The following IL34 variants were observed in gnomAD, a reference collection of about 807,000 sequenced individuals.
IL34 encodes the protein interleukin-34.
In IL34, 17 loss-of-function variants were observed where a neutral mutation model predicts 25.3. The observed-to-expected ratio is 0.67, with a 90% CI of 0.46 to 1.01. The LOEUF is 1.01. Among genes scored for constraint, IL34 ranks in the 50% least tolerant of loss-of-function variants. The probability of loss-of-function intolerance (pLI) is 0.00; values close to 1 mark genes in which losing one functional copy is unlikely to be tolerated. For missense variants in IL34, 368 were observed against 312.9 expected (o/e 1.18, Z -1.33); for synonymous variants, 174 against 140.9 (o/e 1.23, Z -1.66).
At chr16:70,648,919 C>G (rs948010579) in intron 1 of IL34, among the ~76,000 whole-genome samples, 3 of 152,190 alleles carry the variant, frequency 2.0e-5, no homozygotes, top group Non-Finnish European at 4.4e-5. Context: ...GCTTCCTTGG[C>G]TTGTGGCCTA....
chr16:70,651,235 G>C (rs1338030570), intron 1 of IL34, among the ~76,000 whole-genome samples: 1 of 152,084 alleles, frequency 6.6e-6, no homozygotes, highest in Non-Finnish European at 1.5e-5. Flanking sequence ...TGTTGTGAGA[G>C]GGTACCTAGC....
At chr16:70,657,938 C>T (rs767986129) in intron 4 of IL34, among the ~76,000 whole-genome samples, 9 of 152,300 alleles carry the variant, frequency 5.9e-5, no homozygotes, top group Middle Eastern at 3.4e-3. Context: ...ATCCCTGACC[C>T]GCTCAGAGAA....
chr16:70,629,106 T>C lies in IL34; in HGVS notation c.-400-17442T>C, dbSNP rs562781283. Among the ~76,000 whole-genome samples the C allele has an allele frequency of 2.5e-4, 38 of 152,328 alleles. No homozygotes were observed. The South Asian group carries it at 7.7e-3, about 31-fold the overall frequency. ...GCTATTGTTTATAGTAGTTTGTTGATTCTCTTGGATGTTCTAGATTTATAA... is the reference window on the plus strand; with the variant it reads ...GCTATTGTTTATAGTAGTTTGTTGACTCTCTTGGATGTTCTAGATTTATAA... On this transcript the variant is annotated intron_variant, in intron 1 of 6. Transcript: ENST00000429149.
intron 1 of IL34, among the ~76,000 whole-genome samples, chr16:70,616,914 C>A (rs1325566446): frequency 1.3e-5 from 2 of 152,274 alleles, no homozygotes; most frequent in East Asian, 3.9e-4. Context: ...AGAGGCCTGA[C>A]ATTCCTGCCG....
intron 4 of IL34, 37 bp downstream of exon 4, chr16:70,657,158 TGTGTGCACAC>T: frequency 6.2e-7 from 1 of 1,601,618 alleles, no homozygotes; most frequent in East Asian, 2.2e-5. Flanking sequence ...GGGGTGTGTG[TGTGTGCACAC>T]GTGTGTACAT....
chr16:70,605,942 G>C (rs1362721762), intron 1 of IL34, among the ~76,000 whole-genome samples: 1 of 149,038 alleles, frequency 6.7e-6, no homozygotes, highest in Non-Finnish European at 1.5e-5. Context: ...AAAGTGCTGG[G>C]ATTACAGGCG....
In IL34 at chr16:70,587,981, G is replaced by A. The variant is rs532974455; in HGVS notation, c.-401+7932G>A. Among the ~76,000 whole-genome samples the A allele has an allele frequency of 1.9e-4, 29 of 152,124 alleles. 1 individual carries two copies. The highest frequency in any genetic ancestry group is 8.3e-4 in the South Asian group (4 of 4,818). ...TTGAACCCAGGAGGCGGAGGTCTCA[G>A]TGAGCAGAGGTCGCGCCACTGCACT... On this transcript the variant is annotated intron_variant, in intron 1 of 6. Transcript: ENST00000429149.
intron 1 of IL34, among the ~76,000 whole-genome samples, chr16:70,588,849 A>G (rs1457421289): frequency 6.6e-6 from 1 of 152,204 alleles, no homozygotes; most frequent in Non-Finnish European, 1.5e-5. Flanking sequence ...CAGAGTAGCC[A>G]GGTTCATAGA....
At chr16:70,611,528 C>T (rs557137118) in intron 1 of IL34, among the ~76,000 whole-genome samples, 38 of 152,146 alleles carry the variant, frequency 2.5e-4, no homozygotes, top group Non-Finnish European at 4.1e-4. Flanking sequence ...GTGGCTCACA[C>T]CTGTAATCCC....
At chr16:70,588,537 G>A (rs917216475) in intron 1 of IL34, among the ~76,000 whole-genome samples, 5 of 151,478 alleles carry the variant, frequency 3.3e-5, no homozygotes, top group African/African-American at 1.2e-4. Context: ...ATACAATCCA[G>A]CAATCCCACT....
At chr16:70,636,639 G>A (rs1310397741) in intron 1 of IL34, among the ~76,000 whole-genome samples, 2 of 147,306 alleles carry the variant, frequency 1.4e-5, no homozygotes, top group African/African-American at 5.2e-5. Flanking sequence ...AAAATTAGCT[G>A]GGCATGATTG....
intron 4 of IL34, among the ~76,000 whole-genome samples, chr16:70,658,015 C>T (rs918280728): frequency 2.6e-5 from 4 of 152,084 alleles, no homozygotes; most frequent in African/African-American, 4.8e-5. Flanking sequence ...AGGAAGGTGG[C>T]GAGATGACCC....
intron 1 of IL34, among the ~76,000 whole-genome samples, chr16:70,598,139 C>T (rs1597738689): frequency 6.6e-6 from 1 of 152,164 alleles, no homozygotes; most frequent in African/African-American, 2.4e-5. Flanking sequence ...AGGCACCGCG[C>T]CTGGTTGAAG....
At chr16:70,629,596 C>T (rs1004779551) in intron 1 of IL34, among the ~76,000 whole-genome samples, 1 of 152,052 alleles carries the variant, frequency 6.6e-6, no homozygotes, top group African/African-American at 2.4e-5. Context: ...AATGTAGATA[C>T]TGTATAAATA....
chr16:70,654,367 G>T, intron 1 of IL34, 171 bp from the exon 2 acceptor site: 1 of 832,550 alleles, frequency 1.2e-6, no homozygotes, highest in South Asian at 2.0e-5. Context: ...TTGCTGTTCT[G>T]GAGCCAGACC....
chr16:70,637,708 G>C (rs1436141767), intron 1 of IL34, among the ~76,000 whole-genome samples: 1 of 152,188 alleles, frequency 6.6e-6, no homozygotes, highest in Non-Finnish European at 1.5e-5. Context: ...ACATATATAA[G>C]GATGTCAGAT....
intron 1 of IL34, among the ~76,000 whole-genome samples, chr16:70,631,583 C>G (rs1316145589): frequency 6.6e-6 from 1 of 152,106 alleles, no homozygotes; most frequent in Admixed American, 6.5e-5. Context: ...TTTAGAGTCT[C>G]TGGGCTGTTA....
At chr16:70,632,913 T>TTAACTTACTTAAAA (rs2051551491) in intron 1 of IL34, among the ~76,000 whole-genome samples, 1 of 152,174 alleles carries the variant, frequency 6.6e-6, no homozygotes, top group Non-Finnish European at 1.5e-5. Flanking sequence ...TTTTCTATTG[T>TTAACTTACTTAAAA]TAAAATTGGA....
chr16:70,610,237 G>T (rs988557901), intron 1 of IL34, among the ~76,000 whole-genome samples: 1 of 151,772 alleles, frequency 6.6e-6, no homozygotes. Context: ...TTTTTCCAAG[G>T]TAGGAGCTGA....
Sources: gnomAD v4.1 joint callset for allele counts (sites outside exome capture counted in the v4.1 genomes callset) on GRCh38, gnomAD v4.1.1 for gene constraint, MANE v1.5 for transcripts, NCBI Gene and HGNC (gene_info 2026-07-23, HGNC 2026-07-21) for gene names.